Variants in TNPO1 observed in about 807,000 individuals in gnomAD.
TNPO1 encodes the protein transportin 1.
A neutral mutation model predicts 119.5 loss-of-function variants in TNPO1; 8 were observed. That is an observed-to-expected ratio of 0.07 (90% CI 0.04 to 0.12). The LOEUF (loss-of-function observed/expected upper bound fraction) is 0.12. Ranked by LOEUF, TNPO1 falls within the 10% of genes least tolerant of loss-of-function variation. The pLI, the probability that TNPO1 is intolerant of heterozygous loss-of-function variation, is 1.00. For synonymous variants in TNPO1, 362 were observed against 363.0 expected, an observed-to-expected ratio of 1.00 and a Z score of 0.03; for missense variants, 576 against 1,089.8, an observed-to-expected ratio of 0.53 and a Z score of 6.64.
chr5:72,889,737 A>C, intron 13 of TNPO1, 49 bp from the exon 14 acceptor site: 1 of 1,516,276 alleles, frequency 6.6e-7, no homozygotes, highest in Non-Finnish European at 8.8e-7. Flanking sequence ...ATTAAGAGTT[A>C]GATATATCTT....
At chr5:72,862,441 G>C (rs1238012040) in intron 5 of TNPO1, 1 of 153,920 alleles carries the variant, frequency 6.5e-6, no homozygotes, top group African/African-American at 2.4e-5. Flanking sequence ...TCCTACGTCA[G>C]CCTCCCAAAG....
At position 72,868,936 on chromosome 5, in the gene TNPO1, A is replaced by T. The variant is rs1183514281; in HGVS notation, c.596+3207A>T. On this transcript the variant is annotated intron_variant, in intron 6 of 24. Transcript: ENST00000337273. ...GGCATGAGAATCACTTGAACCCGGGAGGCGGAGGTTGCAGTGAGCCGAGAT... is the reference window on the plus strand; with the variant it reads ...GGCATGAGAATCACTTGAACCCGGGTGGCGGAGGTTGCAGTGAGCCGAGAT... Among the ~76,000 whole-genome samples, 6 of 152,124 alleles carry T rather than the reference A, an allele frequency of 3.9e-5. No homozygotes were observed. In the East Asian group the frequency reaches 1.2e-3, roughly 29 times the overall value.
chr5:72,875,813 G>A lies in TNPO1; in HGVS notation c.801+76G>A, dbSNP rs371057987. Reference sequence around the variant, plus strand: ...TACTAGATAGAAAATACAACATACCGGATGGGAAGGGGACTATAAAATAGT... The same window carrying A: ...TACTAGATAGAAAATACAACATACCAGATGGGAAGGGGACTATAAAATAGT... On this transcript the variant is annotated intron_variant, in intron 8 of 24. Transcript: ENST00000337273. The A allele has an allele frequency of 7.0e-5, 102 of 1,464,316 alleles. No individual in the cohort carries two copies. The East Asian group carries it at 1.3e-3, about 18-fold the overall frequency. The allele number at this position is 1,464,316 out of a possible 1,614,324, so 90.7% of individuals were successfully genotyped here.
chr5:72,875,126 C>T (rs900700450), intron 7 of TNPO1, among the ~76,000 whole-genome samples: 2 of 152,086 alleles, frequency 1.3e-5, no homozygotes, highest in Admixed American at 1.3e-4. Flanking sequence ...TACTTGCAGA[C>T]GTAGGGAACA....
At chr5:72,874,470 C>G (rs1019005038) in intron 7 of TNPO1, among the ~76,000 whole-genome samples, 1 of 152,124 alleles carries the variant, frequency 6.6e-6, no homozygotes, top group Non-Finnish European at 1.5e-5. Context: ...AACCCAGTTG[C>G]TGTTCTCTAG....
At chr5:72,828,041 T>G (rs1340483248) in intron 1 of TNPO1, among the ~76,000 whole-genome samples, 3 of 152,166 alleles carry the variant, frequency 2.0e-5, no homozygotes, top group Non-Finnish European at 4.4e-5. Flanking sequence ...CTTTTAATGT[T>G]GCAGACTGAT....
intron 16 of TNPO1, 41 bp from the exon 17 acceptor site, chr5:72,893,332 GTTAA>G (rs1749201080): frequency 6.2e-7 from 1 of 1,605,896 alleles, no homozygotes; most frequent in African/African-American, 1.3e-5. Context: ...TTTTTAAGTA[GTTAA>G]TTAAAACCAA....
chr5:72,833,355 G>A (rs975601468), intron 1 of TNPO1, among the ~76,000 whole-genome samples: 1 of 152,088 alleles, frequency 6.6e-6, no homozygotes, highest in Non-Finnish European at 1.5e-5. Context: ...CTAAGTGCTG[G>A]TATTACAGGC....
intron 1 of TNPO1, among the ~76,000 whole-genome samples, chr5:72,826,358 T>G (rs1388244510): frequency 6.6e-6 from 1 of 152,184 alleles, no homozygotes; most frequent in East Asian, 1.9e-4. Flanking sequence ...TTTTAAACGG[T>G]TATGAAACAA....
intron 9 of TNPO1, among the ~76,000 whole-genome samples, chr5:72,879,423 C>T (rs1266929342): frequency 2.0e-5 from 3 of 152,146 alleles, no homozygotes; most frequent in Admixed American, 6.5e-5. Context: ...TCCAAATATT[C>T]GTAAACCAAG....
At chr5:72,866,983 T>C (rs918474198) in intron 6 of TNPO1, among the ~76,000 whole-genome samples, 2 of 152,068 alleles carry the variant, frequency 1.3e-5, no homozygotes, top group Non-Finnish European at 2.9e-5. Flanking sequence ...GAGACCAGCC[T>C]ACGCAACATA....
intron 1 of TNPO1, among the ~76,000 whole-genome samples, chr5:72,836,200 G>A (rs972251390): frequency 6.6e-6 from 1 of 152,084 alleles, no homozygotes; most frequent in Non-Finnish European, 1.5e-5. Context: ...CTGTATCCCC[G>A]CTACCACAGC....
chr5:72,848,096 TG>T, intron 1 of TNPO1: 1 of 1,121,050 alleles, frequency 8.9e-7, no homozygotes, highest in South Asian at 2.9e-5. Flanking sequence ...GAGCGGATCT[TG>T]GGGCCAGATT....
At position 72,816,669 on chromosome 5, in the gene TNPO1, G is replaced by GC; in HGVS notation, c.-67dup. ...AAGCCCAGATTCTCTTTGTTCCGCA[G>GC]CCATTTCAGGCCCCGGACAGGAGGC... On this transcript the variant is annotated 5_prime_UTR_variant, in exon 1 of 25. Coordinates refer to ENST00000337273, the MANE Select transcript of TNPO1 (RefSeq NM_002270.4). The GC allele has an allele frequency of 3.4e-6, 5 of 1,492,138 alleles. No homozygotes were observed. In the South Asian group the frequency reaches 6.4e-5, roughly 19 times the overall value. The allele number at this position is 1,492,138 out of a possible 1,614,324, so 92.4% of individuals were successfully genotyped here. A position where few individuals can be genotyped will look rare whatever the true frequency, so the allele number is the denominator to read the frequency against.
rs1443502373 is a variant in TNPO1 at position 72,908,738 on chromosome 5, C to G, written c.*65C>G. The G allele has an allele frequency of 4.9e-6, 1 of 203,564 alleles. No individual in the cohort carries two copies. The highest frequency in any genetic ancestry group is 2.4e-5 in the African/African-American group (1 of 42,378). 12.6% of individuals were successfully genotyped at this position (203,564 alleles called of 1,614,324 possible). A position where few individuals can be genotyped will look rare whatever the true frequency, so the allele number is the denominator to read the frequency against. Reference sequence around the variant, plus strand: ...TTCAGTCTTGGAGACTATAAGGGAGCCTCTGCACCCAGGGAAAATGTTACC... The same window carrying G: ...TTCAGTCTTGGAGACTATAAGGGAGGCTCTGCACCCAGGGAAAATGTTACC... On this transcript the variant is annotated 3_prime_UTR_variant, in exon 25 of 25. Transcript: ENST00000337273.
chr5:72,893,782 C>G (rs1005587087), intron 18 of TNPO1, 79 bp downstream of exon 18: 9 of 1,294,422 alleles, frequency 7.0e-6, no homozygotes, highest in South Asian at 1.3e-5. Context: ...TATTATTAAA[C>G]TGAAATTGCA....
At position 72,908,772 on chromosome 5, in the gene TNPO1, G is replaced by T. The variant is rs550951114; in HGVS notation, c.*99G>T. On this transcript the variant is annotated 3_prime_UTR_variant, in exon 25 of 25. Coordinates refer to ENST00000337273, the MANE Select transcript of TNPO1 (RefSeq NM_002270.4). ...CCAGGGAAAATGTTACCCTTTACAG[G>T]GGGGAAGGGTAAACCAGTAGGGAAT... 7.8e-6 allele frequency: 2 copies of T among 257,372 alleles called. No homozygotes were observed. Among genetic ancestry groups the T allele is most frequent in the South Asian group, 3.4e-5 (1 of 29,192 alleles). 15.9% of individuals were successfully genotyped at this position (257,372 alleles called of 1,614,324 possible).
chr5:72,834,382 C>T (rs942187284), intron 1 of TNPO1, among the ~76,000 whole-genome samples: 2 of 152,178 alleles, frequency 1.3e-5, no homozygotes, highest in Non-Finnish European at 2.9e-5. Context: ...GAGATGACAG[C>T]TCCATGCTTG....
intron 8 of TNPO1, among the ~76,000 whole-genome samples, chr5:72,876,704 A>G (rs1271109685): frequency 6.6e-6 from 1 of 152,198 alleles, no homozygotes; most frequent in Non-Finnish European, 1.5e-5. Context: ...AACTACACAG[A>G]AACAATACAT....
Sources: allele counts gnomAD v4.1 joint callset (sites outside exome capture counted in the v4.1 genomes callset), GRCh38; gene constraint gnomAD v4.1.1; transcripts MANE v1.5; gene names NCBI Gene and HGNC (gene_info 2026-07-23, HGNC 2026-07-21).